Variants in SLC48A1 observed in about 807,000 individuals in gnomAD.
The protein encoded by SLC48A1 is solute carrier family 48 member 1.
SLC48A1 carries 6 observed loss-of-function variants against 14.8 expected under a neutral mutation model. The ratio of observed to expected loss-of-function variants is 0.41; its 90% confidence interval spans 0.22 to 0.80. The LOEUF is 0.80. Among genes scored for constraint, SLC48A1 ranks in the 30% least tolerant of loss-of-function variants. SLC48A1 has a pLI of 0.34. For missense variants in SLC48A1, 165 were observed against 204.8 expected (o/e 0.81, Z 1.19); for synonymous variants, 89 against 90.0 (o/e 0.99, Z 0.06).
In SLC48A1 at chr12:47,779,030, G is replaced by A; in HGVS notation, c.139G>A (p.Val47Met). Reference sequence around the variant, plus strand: ...GCCCTGATGTGTCTCTCCTGCAGGGGTGCTGGCACTGTGGGTCCTGGTGAC... The same window carrying A: ...GCCCTGATGTGTCTCTCCTGCAGGGATGCTGGCACTGTGGGTCCTGGTGAC... ...GTAAMGGLAG[V>M]LALWVLVTHV... The change falls in exon 2 of 3, where the codon GTG becomes ATG. Residue 47 changes from valine (V) to methionine (M), a missense_variant and splice_region_variant. Coordinates refer to ENST00000442218, the MANE Select transcript of SLC48A1 (RefSeq NM_017842.3). The A allele has an allele frequency of 1.3e-6, 2 of 1,551,578 alleles. No individual in the cohort carries two copies. Among genetic ancestry groups the A allele is most frequent in the Non-Finnish European group, 1.7e-6 (2 of 1,146,934 alleles).
intron 1 of SLC48A1, among the ~76,000 whole-genome samples, chr12:47,776,731 C>T (rs1209255611): frequency 6.6e-6 from 1 of 152,202 alleles, no homozygotes; most frequent in East Asian, 1.9e-4. Context: ...CCTCTCCCTC[C>T]TGCCCTCAGC....
At chr12:47,756,771 C>T (rs1942082707), upstream of SLC48A1, among the ~76,000 whole-genome samples, 1 of 152,022 alleles carries the variant, frequency 6.6e-6, no homozygotes, top group Non-Finnish European at 1.5e-5. Flanking sequence ...GCGATCAAGA[C>T]CATCCTGGCC....
At chr12:47,757,731 C>G, upstream of SLC48A1, 2 of 816,460 alleles carry the variant, frequency 2.4e-6, no homozygotes, top group East Asian at 2.7e-5. Context: ...GCTTCCTGAC[C>G]CAGTGTCCAC....
At chr12:47,770,838 C>T, upstream of SLC48A1, 1 of 456,740 alleles carries the variant, frequency 2.2e-6, no homozygotes, top group Non-Finnish European at 4.4e-6. Context: ...ACTTGACATT[C>T]CAGCCACAAA....
chr12:47,757,700 A>C (rs1942164798), upstream of SLC48A1, among the ~76,000 whole-genome samples: 1 of 152,042 alleles, frequency 6.6e-6, no homozygotes, highest in Non-Finnish European at 1.5e-5. Context: ...TGTGTGAGCC[A>C]CCCACGCACA....
At chr12:47,776,690 A>G (rs1432527631) in intron 1 of SLC48A1, among the ~76,000 whole-genome samples, 1 of 152,162 alleles carries the variant, frequency 6.6e-6, no homozygotes, top group African/African-American at 2.4e-5. Context: ...AACAAAGAAC[A>G]GGGCCCAAAA....
upstream of SLC48A1, chr12:47,758,192 G>A (rs1208573312): frequency 2.6e-5 from 37 of 1,446,494 alleles, no homozygotes; most frequent in Non-Finnish European, 3.2e-5. Flanking sequence ...CTGGTCAGGC[G>A]GAGGTGCTGC....
chr12:47,757,127 G>C (rs776779246), upstream of SLC48A1, among the ~76,000 whole-genome samples: 1 of 152,178 alleles, frequency 6.6e-6, no homozygotes, highest in Admixed American at 6.5e-5. Flanking sequence ...AACCTGGGTG[G>C]ACACACGCAG....
intron 2 of SLC48A1, among the ~76,000 whole-genome samples, chr12:47,779,464 C>T (rs1203937962): frequency 4.6e-5 from 7 of 152,196 alleles, no homozygotes; most frequent in African/African-American, 1.2e-4. Flanking sequence ...CTGTGCTCAG[C>T]TCTGGGATGG....
At chr12:47,766,824 C>T (rs78962703), upstream of SLC48A1, among the ~76,000 whole-genome samples, 72 of 152,324 alleles carry the variant, frequency 4.7e-4, no homozygotes, top group African/African-American at 1.6e-3. Context: ...AAGCCAGACT[C>T]TGAGCAGTTT....
In SLC48A1 at chr12:47,782,087, C is replaced by G. The variant is rs1381842053; in HGVS notation, c.*1806C>G. On this transcript the variant is annotated 3_prime_UTR_variant, in exon 3 of 3. Coordinates refer to ENST00000442218, the MANE Select transcript of SLC48A1 (RefSeq NM_017842.3). ...GGGCCAGGTCTAAGGTAATGAGGTG[C>G]TCCTCTTCCTGCTGGAAAAACCGGA... 1 of 152,324 alleles carries G rather than the reference C, an allele frequency of 6.6e-6. No homozygotes were observed. The highest frequency in any genetic ancestry group is 1.5e-5 in the Non-Finnish European group (1 of 68,090). The allele number at this position is 152,324 out of a possible 1,614,324, so 9.4% of individuals were successfully genotyped here.
At chr12:47,772,024 G>A (rs1279331321), upstream of SLC48A1, 2 of 154,594 alleles carry the variant, frequency 1.3e-5, no homozygotes, top group East Asian at 3.9e-4. Flanking sequence ...AGCCCAGTGA[G>A]ACCATTATTT....
At chr12:47,780,064 G>T in intron 2 of SLC48A1, 81 bp from the exon 3 acceptor site, 1 of 1,441,448 alleles carries the variant, frequency 6.9e-7, no homozygotes, top group South Asian at 1.5e-5. Flanking sequence ...TGAGTGGGGA[G>T]GGTGGCCCTG....
upstream of SLC48A1, among the ~76,000 whole-genome samples, chr12:47,769,978 A>C (rs1254801937): frequency 1.3e-5 from 2 of 152,254 alleles, no homozygotes; most frequent in Admixed American, 6.5e-5. Context: ...ACCTGTGATT[A>C]GTGGCCACCA....
chr12:47,780,231 C>T lies in SLC48A1; in HGVS notation c.391C>T (p.His131Tyr). 2 of 1,614,274 alleles carry T rather than the reference C, an allele frequency of 1.2e-6. No individual in the cohort carries two copies. Among genetic ancestry groups the T allele is most frequent in the Non-Finnish European group, 1.7e-6 (2 of 1,180,052 alleles). The stretch of plus-strand genomic sequence containing the variant: ...GGCCTTCCTGCTCAGCCTCTATGCC[C>T]ACCGCTACCGGGCTGACTTTGCTGA... ...KWAFLLSLYA[H>Y]RYRADFADIS... The change falls in exon 3 of 3, where the codon CAC becomes TAC. Residue 131 changes from histidine (H) to tyrosine (Y), a missense_variant. Physicochemically the swap from His to Tyr is moderately conservative, Grantham distance 83 (BLOSUM62 2). Transcript: ENST00000442218.
At chr12:47,766,504 G>T (rs1565777566) in intron 2 of SLC48A1, among the ~76,000 whole-genome samples, 2 of 152,164 alleles carry the variant, frequency 1.3e-5, no homozygotes, top group Non-Finnish European at 2.9e-5. Flanking sequence ...CTCAGTAAAA[G>T]GTGAAAGAGA....
chr12:47,780,406 G>A lies in SLC48A1; in HGVS notation c.*125G>A. Reference sequence around the variant, plus strand: ...AACTGTGGCAGAAAATACACAGCAGGACGAGTGTGGTCTCCCAGGAAGCTG... The same window carrying A: ...AACTGTGGCAGAAAATACACAGCAGAACGAGTGTGGTCTCCCAGGAAGCTG... On this transcript the variant is annotated 3_prime_UTR_variant, in exon 3 of 3. Transcript: ENST00000442218. 7.0e-7 allele frequency: 1 copy of A among 1,436,954 alleles called. No homozygotes were observed. Among genetic ancestry groups the A allele is most frequent in the Non-Finnish European group, 9.8e-7 (1 of 1,019,136 alleles). 89.0% of individuals were successfully genotyped at this position (1,436,954 alleles called of 1,614,324 possible).
At chr12:47,757,931 G>C (rs755629694), upstream of SLC48A1, 2 of 1,556,814 alleles carry the variant, frequency 1.3e-6, no homozygotes, top group Non-Finnish European at 8.7e-7. Flanking sequence ...GAGCAGCTTC[G>C]GGGCCGGTGC....
In SLC48A1 at chr12:47,777,055, C is replaced by G. The variant is rs1461943787; in HGVS notation, c.137-1973C>G. On this transcript the variant is annotated intron_variant, in intron 1 of 2. Transcript: ENST00000442218. The surrounding 1 kb of genome is among the most constrained non-coding windows in gnomAD (Gnocchi z 4.5). ...TTGAGTGTGCTCAGTGACAACACCC[C>G]TTGTTCCCAGGGCCCTTTATAAACC... Among the ~76,000 whole-genome samples, 3 of 152,168 alleles carry G rather than the reference C, an allele frequency of 2.0e-5. No individual in the cohort carries two copies. The highest frequency in any genetic ancestry group is 7.2e-5 in the African/African-American group (3 of 41,426).
Sources: gnomAD v4.1 joint callset for allele counts (sites outside exome capture counted in the v4.1 genomes callset) on GRCh38, gnomAD v4.1.1 for gene constraint, Gnocchi (gnomAD v3.1) non-coding constraint, MANE v1.5 for transcripts, NCBI Gene and HGNC (gene_info 2026-07-23, HGNC 2026-07-21) for gene names.